Variants in DAB1 observed in about 807,000 individuals in gnomAD.
The protein encoded by DAB1 is disabled homolog 1.
A neutral mutation model predicts 64.6 loss-of-function variants in DAB1; 15 were observed. The ratio of observed to expected loss-of-function variants is 0.23; its 90% confidence interval spans 0.16 to 0.36. DAB1 has a LOEUF of 0.36. DAB1 is among the 10% of genes least tolerant of loss of function. The probability of loss-of-function intolerance (pLI) is 1.00; values close to 1 mark genes in which losing one functional copy is unlikely to be tolerated. For missense variants in DAB1, 596 were observed against 706.7 expected, an observed-to-expected ratio of 0.84 and a Z score of 1.78; for synonymous variants, 235 against 251.9, an observed-to-expected ratio of 0.93 and a Z score of 0.64.
At chr1:58,001,811 G>T (rs925266859) in intron 5 of DAB1, among the ~76,000 whole-genome samples, 2 of 152,164 alleles carry the variant, frequency 1.3e-5, no homozygotes, top group Non-Finnish European at 2.9e-5. Context: ...AAGAGTCTTT[G>T]CTGATATCAG....
At chr1:57,222,143 G>C (rs1326491940) in intron 2 of DAB1, among the ~76,000 whole-genome samples, 2 of 152,076 alleles carry the variant, frequency 1.3e-5, no homozygotes, top group African/African-American at 4.8e-5. Context: ...AAGAAACAAA[G>C]GGTCGAGAGG....
At chr1:58,238,144 C>T (rs959996585) in intron 4 of DAB1, among the ~76,000 whole-genome samples, 3 of 152,104 alleles carry the variant, frequency 2.0e-5, no homozygotes, top group Admixed American at 6.5e-5. Flanking sequence ...AAGATATAAA[C>T]CATGCTCTCA....
At chr1:58,539,263 G>C in intron 1 of DAB1, 1 of 865,048 alleles carries the variant, frequency 1.2e-6, no homozygotes, top group Non-Finnish European at 2.0e-6. Flanking sequence ...ATGGTTTCTA[G>C]CAGCAGACTG....
At chr1:58,232,476 T>TACACACAC (rs58863239) in intron 4 of DAB1, among the ~76,000 whole-genome samples, 634 of 144,112 alleles carry the variant, frequency 4.4e-3, no homozygotes, top group South Asian at 0.013. Flanking sequence ...TCTGAGTGAA[T>TACACACAC]ACACACACAC....
intron 7 of DAB1, among the ~76,000 whole-genome samples, chr1:57,553,644 C>T (rs1269926376): frequency 2.6e-5 from 4 of 151,896 alleles, no homozygotes; most frequent in African/African-American, 9.7e-5. Flanking sequence ...GCACTCTAGC[C>T]TGGACCACAG....
chr1:57,961,316 A>G (rs1186674934), intron 5 of DAB1, among the ~76,000 whole-genome samples: 2 of 152,222 alleles, frequency 1.3e-5, no homozygotes, highest in African/African-American at 2.4e-5. Flanking sequence ...TTATATATGT[A>G]TATGTGTATA....
Position 56,995,433 on chromosome 1 carries a change from A to C in DAB1, c.*2711T>G, listed in dbSNP as rs1033745255. The C allele has an allele frequency of 9.9e-5, 15 of 152,206 alleles. No individual in the cohort carries two copies. Among genetic ancestry groups the C allele is most frequent in the Non-Finnish European group, 1.8e-4 (12 of 68,032 alleles). The allele number at this position is 152,206 out of a possible 1,614,324, so 9.4% of individuals were successfully genotyped here. On this transcript the variant is annotated 3_prime_UTR_variant, in exon 15 of 15. Transcript: ENST00000371236. ...CAGAATTCTGCCAATGAGAATATGGATGGCAGTTGAAAAACTTGACTTTAT... is the reference window on the plus strand; with the variant it reads ...CAGAATTCTGCCAATGAGAATATGGCTGGCAGTTGAAAAACTTGACTTTAT...
At chr1:57,745,772 A>C (rs567626174) in intron 6 of DAB1, among the ~76,000 whole-genome samples, 17 of 152,334 alleles carry the variant, frequency 1.1e-4, no homozygotes, top group African/African-American at 3.6e-4. Context: ...AAACATTTCA[A>C]ACTTTAAAGT....
At chr1:58,374,379 G>C (rs1358258556) in intron 3 of DAB1, among the ~76,000 whole-genome samples, 2 of 136,290 alleles carry the variant, frequency 1.5e-5, no homozygotes, top group African/African-American at 2.7e-5. Context: ...AAGGGATCCA[G>C]TTTCAGCTTT....
At chr1:57,943,303 C>T (rs1645130602) in intron 5 of DAB1, among the ~76,000 whole-genome samples, 2 of 152,148 alleles carry the variant, frequency 1.3e-5, no homozygotes, top group Non-Finnish European at 2.9e-5. Flanking sequence ...CCCAATTGCA[C>T]ACTCAATTAC....
At chr1:57,040,428 T>C (rs1647608945) in intron 9 of DAB1, among the ~76,000 whole-genome samples, 1 of 152,128 alleles carries the variant, frequency 6.6e-6, no homozygotes. Flanking sequence ...CTAGAAACAC[T>C]GGGAAAGAAT....
chr1:58,200,787 ACCAAGCT>A (rs1657953823), intron 4 of DAB1, among the ~76,000 whole-genome samples: 4 of 152,202 alleles, frequency 2.6e-5, no homozygotes, highest in Admixed American at 6.5e-5. Context: ...CACCCAAAGA[ACCAAGCT>A]CCACTAATAT....
intron 3 of DAB1, among the ~76,000 whole-genome samples, chr1:58,395,135 C>T (rs1425206734): frequency 6.6e-6 from 1 of 152,086 alleles, no homozygotes; most frequent in African/African-American, 2.4e-5. Context: ...CCTCTGTTAG[C>T]AATGCATCTT....
chr1:57,284,100 A>G (rs1289881244), intron 2 of DAB1, among the ~76,000 whole-genome samples: 4 of 152,222 alleles, frequency 2.6e-5, no homozygotes, highest in Non-Finnish European at 5.9e-5. Context: ...AATCATCCTC[A>G]TTATGATAAA....
chr1:57,422,521 C>G (rs1570497844), intron 1 of DAB1, among the ~76,000 whole-genome samples: 1 of 152,172 alleles, frequency 6.6e-6, no homozygotes, highest in South Asian at 2.1e-4. Flanking sequence ...CGGGCGCGCA[C>G]CCCAGACTCG....
intron 7 of DAB1, among the ~76,000 whole-genome samples, chr1:57,070,423 C>T (rs1651343879): frequency 6.6e-6 from 1 of 152,200 alleles, no homozygotes; most frequent in African/African-American, 2.4e-5. Flanking sequence ...GAGATCATCT[C>T]CCTACCCACC....
chr1:58,469,111 C>T (rs1645327551), intron 3 of DAB1: 1 of 171,476 alleles, frequency 5.8e-6, no homozygotes, highest in South Asian at 1.9e-4. Context: ...CCAGCAGTCA[C>T]AGCAAACCAC....
chr1:57,927,659 A>G (rs1644898034), intron 5 of DAB1, among the ~76,000 whole-genome samples: 1 of 152,234 alleles, frequency 6.6e-6, no homozygotes, highest in Non-Finnish European at 1.5e-5. Context: ...ATTTATAGCG[A>G]CTTGTTATGT....
At chr1:57,703,311 G>A (rs1646929380) in intron 6 of DAB1, among the ~76,000 whole-genome samples, 1 of 152,034 alleles carries the variant, frequency 6.6e-6, no homozygotes, top group South Asian at 2.1e-4. Context: ...CTAATGTCCA[G>A]CATTTATAAG....
Sources: allele counts gnomAD v4.1 joint callset (sites outside exome capture counted in the v4.1 genomes callset), GRCh38; gene constraint gnomAD v4.1.1; transcripts MANE v1.5; gene names NCBI Gene and HGNC (gene_info 2026-07-23, HGNC 2026-07-21).